Variants in WDR49 observed in about 807,000 individuals in gnomAD.
WDR49 encodes the protein WD repeat domain 49, also known as cilia- and flagella-associated protein 337.
In WDR49, 107 loss-of-function variants were observed where a neutral mutation model predicts 119.5. The observed-to-expected ratio is 0.90, with a 90% confidence interval of 0.77 to 1.05. The LOEUF is 1.05. Among genes scored for constraint, WDR49 ranks in the 50% least tolerant of loss-of-function variants. The pLI is 0.00. For synonymous variants in WDR49, 425 were observed against 418.8 expected, an observed-to-expected ratio of 1.01 and a Z score of -0.18; for missense variants, 1,240 against 1,220.5, an observed-to-expected ratio of 1.02 and a Z score of -0.24.
intron 2 of WDR49, among the ~76,000 whole-genome samples, chr3:167,650,704 A>T (rs780225843): frequency 2.6e-5 from 4 of 152,236 alleles, no homozygotes; most frequent in Non-Finnish European, 4.4e-5. Flanking sequence ...AGTATGAATT[A>T]GAATCAAGGC....
intron 17 of WDR49, among the ~76,000 whole-genome samples, chr3:167,501,045 G>C (rs1336419089): frequency 6.6e-6 from 1 of 152,182 alleles, no homozygotes; most frequent in African/African-American, 2.4e-5. Context: ...ACAGGCATCA[G>C]AATCATCTGG....
chr3:167,548,937 G>A (rs1350821154), intron 10 of WDR49, among the ~76,000 whole-genome samples: 3 of 152,070 alleles, frequency 2.0e-5, no homozygotes, highest in Admixed American at 1.3e-4. Context: ...GTGAGAACAT[G>A]CAGTGTTTGG....
intron 8 of WDR49, among the ~76,000 whole-genome samples, chr3:167,566,145 G>A (rs1290176520): frequency 6.6e-6 from 1 of 152,152 alleles, no homozygotes; most frequent in Non-Finnish European, 1.5e-5. Flanking sequence ...CCTCTCCTAC[G>A]CTGGTTTAGT....
intron 18 of WDR49, among the ~76,000 whole-genome samples, chr3:167,480,247 T>TAAAAA (rs1162973369): frequency 0.02 from 1,091 of 55,080 alleles, 40 homozygotes; most frequent in African/African-American, 0.084. Context: ...AGACTCTGTC[T>TAAAAA]AAAAAAAAAA....
At chr3:167,560,662 GGA>G in intron 8 of WDR49, among the ~76,000 whole-genome samples, 1 of 152,194 alleles carries the variant, frequency 6.6e-6, no homozygotes, top group African/African-American at 2.4e-5. Context: ...CAGCCATTAT[GGA>G]AAATGTTAAT....
At chr3:167,479,570 T>C (rs1050156868) in intron 18 of WDR49, among the ~76,000 whole-genome samples, 1 of 152,196 alleles carries the variant, frequency 6.6e-6, no homozygotes, top group African/African-American at 2.4e-5. Flanking sequence ...TTTAAACAAA[T>C]GCTTATTGAA....
At chr3:167,538,844 G>A (rs1711622929) in intron 10 of WDR49, among the ~76,000 whole-genome samples, 1 of 152,096 alleles carries the variant, frequency 6.6e-6, no homozygotes, top group Non-Finnish European at 1.5e-5. Context: ...CACTCTGGAT[G>A]GAGAAAACAA....
At chr3:167,492,389 C>A (rs1287240459) in intron 18 of WDR49, among the ~76,000 whole-genome samples, 1 of 152,050 alleles carries the variant, frequency 6.6e-6, no homozygotes, top group African/African-American at 2.4e-5. Context: ...TTTCAGCATT[C>A]CCATCTAGGC....
At chr3:167,571,335 A>G (rs994291560) in intron 8 of WDR49, among the ~76,000 whole-genome samples, 1 of 152,166 alleles carries the variant, frequency 6.6e-6, no homozygotes, top group African/African-American at 2.4e-5. Flanking sequence ...TCATGTAACC[A>G]AGTATGTGAT....
intron 18 of WDR49, among the ~76,000 whole-genome samples, 195 bp downstream of exon 18, chr3:167,499,958 T>A (rs1751495870): frequency 6.6e-6 from 1 of 152,192 alleles, no homozygotes; most frequent in African/African-American, 2.4e-5. Context: ...ATTTCATATA[T>A]CCCAGCCTGT....
chr3:167,590,082 CA>C (rs1202493733), intron 7 of WDR49, among the ~76,000 whole-genome samples: 3 of 151,934 alleles, frequency 2.0e-5, no homozygotes, highest in African/African-American at 7.2e-5. Context: ...TCTTCTATAT[CA>C]AAACTTTTTG....
chr3:167,505,680 GT>G (rs1284158429), intron 16 of WDR49, among the ~76,000 whole-genome samples: 1 of 152,068 alleles, frequency 6.6e-6, no homozygotes, highest in African/African-American at 2.4e-5. Flanking sequence ...TAGCAACAAG[GT>G]TAGAGAAAAA....
rs549009652 is a variant in WDR49 at position 167,627,760 on chromosome 3, G to C, written c.166-468C>G. Among the ~76,000 whole-genome samples, 4 of 152,168 alleles carry C rather than the reference G, an allele frequency of 2.6e-5. No individual in the cohort carries two copies. In the East Asian group the frequency reaches 5.8e-4, roughly 22 times the overall value. On this transcript the variant is annotated intron_variant, in intron 2 of 18. Transcript: ENST00000682715. ...ATATTAATATATTTGTGTGTTTTAA[G>C]TCATGGTTTTTGGTAATTAGTTACA...
chr3:167,507,569 C>T (rs1036594528), intron 16 of WDR49, among the ~76,000 whole-genome samples: 18 of 152,124 alleles, frequency 1.2e-4, no homozygotes, highest in East Asian at 1.9e-4. Context: ...GCAGGGGCCA[C>T]GGTAAAGAGG....
At chr3:167,594,189 C>A (rs1715289387) in intron 7 of WDR49, among the ~76,000 whole-genome samples, 1 of 152,030 alleles carries the variant, frequency 6.6e-6, no homozygotes, top group Non-Finnish European at 1.5e-5. Context: ...GGGTAACGGG[C>A]AAAAGTTGGA....
rs1472246700 is a variant in WDR49 at position 167,602,196 on chromosome 3, G to A, written c.1206C>T (p.His402=). 6.2e-7 allele frequency: 1 copy of A among 1,607,452 alleles called. No individual in the cohort carries two copies. Among genetic ancestry groups the A allele is most frequent in the Non-Finnish European group, 8.5e-7 (1 of 1,175,372 alleles). Reference sequence around the variant, plus strand: ...ATTGGACGGCTATTACACTGGCTGAGTGGCCCCAAAGGACACCCACTGGTT... The same window carrying A: ...ATTGGACGGCTATTACACTGGCTGAATGGCCCCAAAGGACACCCACTGGTT... The part of the protein sequence containing the change: ...VSKPVGVLWG[H]SASVIAVQFF... The change falls in exon 7 of 19, where the codon CAC becomes CAT. Residue 402 remains histidine (H), a synonymous_variant. Coordinates refer to ENST00000682715, the MANE Select transcript of WDR49 (RefSeq NM_001366157.1).
intron 7 of WDR49, among the ~76,000 whole-genome samples, chr3:167,582,856 G>A (rs1344082991): frequency 6.6e-6 from 1 of 152,000 alleles, no homozygotes; most frequent in South Asian, 2.1e-4. Context: ...GCTGAGGCAG[G>A]AGAATTGCTT....
chr3:167,571,889 G>C (rs1458512990), intron 8 of WDR49, among the ~76,000 whole-genome samples: 1 of 152,116 alleles, frequency 6.6e-6, no homozygotes, highest in African/African-American at 2.4e-5. Flanking sequence ...TGTCTACCTT[G>C]ATTATAAATG....
In WDR49 at chr3:167,627,290, G is replaced by A. The variant is rs1342213449; in HGVS notation, c.168C>T (p.Ser56=). 9 of 1,234,524 alleles carry A rather than the reference G, an allele frequency of 7.3e-6. No individual in the cohort carries two copies. The highest frequency in any genetic ancestry group is 9.1e-6 in the Non-Finnish European group (9 of 988,574). The allele number at this position is 1,234,524 out of a possible 1,614,324, so 76.5% of individuals were successfully genotyped here. ...DFVKIQKAFE[S]PQPRKIICMS... is the part of the protein sequence containing the mutation. ...TACAAATGATTTTCCTTGGCTGTGG[G>A]GACTAGAAACAGGAATCCAAAAACA... is the stretch of plus-strand genomic sequence containing the variant. The change falls in exon 3 of 19, where the codon TCC becomes TCT. Residue 56 remains serine, a splice_region_variant and synonymous_variant. Coordinates refer to ENST00000682715, the MANE Select transcript of WDR49 (RefSeq NM_001366157.1).
Sources: gnomAD v4.1 joint callset for allele counts (sites outside exome capture counted in the v4.1 genomes callset) on GRCh38, gnomAD v4.1.1 for gene constraint, MANE v1.5 for transcripts, NCBI Gene and HGNC (gene_info 2026-07-23, HGNC 2026-07-21) for gene names.